ARHGAP42: variants seen among roughly 807,000 people sequenced by gnomAD.
ARHGAP42 encodes the protein Rho GTPase activating protein 42, also known as rho GTPase-activating protein 42.
Under a neutral mutation model 125.0 loss-of-function variants are expected in ARHGAP42, and 63 were observed. That is an observed-to-expected ratio of 0.50 (90% CI 0.41 to 0.62). The LOEUF is 0.62. Among genes scored for constraint, ARHGAP42 ranks in the 20% least tolerant of loss-of-function variants. ARHGAP42 has a pLI of 0.00. For missense variants in ARHGAP42, 766 were observed against 1,024.2 expected (o/e 0.75, Z 3.44); for synonymous variants, 339 against 351.0 (o/e 0.97, Z 0.38).
intron 1 of ARHGAP42, among the ~76,000 whole-genome samples, chr11:100,746,758 A>G (rs1320866465): frequency 6.6e-6 from 1 of 152,248 alleles, no homozygotes; most frequent in Non-Finnish European, 1.5e-5. Flanking sequence ...CCTAAACCAT[A>G]GAAGCGCTCT....
chr11:100,688,083 A>C, intron 1 of ARHGAP42: 1 of 303,646 alleles, frequency 3.3e-6, no homozygotes, highest in Non-Finnish European at 6.0e-6. Context: ...AGTCGTTCAA[A>C]GTCATCTCGT....
chr11:100,897,695 C>G (rs1375073449), intron 4 of ARHGAP42, among the ~76,000 whole-genome samples: 2 of 152,098 alleles, frequency 1.3e-5, no homozygotes, highest in Non-Finnish European at 2.9e-5. Flanking sequence ...GATTATGTAT[C>G]CTGAGACTTT....
intron 12 of ARHGAP42, among the ~76,000 whole-genome samples, chr11:100,958,663 G>A (rs923027736): frequency 6.6e-6 from 1 of 151,380 alleles, no homozygotes; most frequent in Non-Finnish European, 1.5e-5. Flanking sequence ...TATATTTGTG[G>A]AGTTTTTTCT....
intron 11 of ARHGAP42, among the ~76,000 whole-genome samples, chr11:100,949,062 C>T (rs534729220): frequency 6.6e-5 from 10 of 152,106 alleles, no homozygotes; most frequent in Admixed American, 2.6e-4. Flanking sequence ...GGAAGGCTTA[C>T]GTAAAAAGGA....
At chr11:100,933,824 G>A (rs563381499) in intron 7 of ARHGAP42, among the ~76,000 whole-genome samples, 11 of 151,858 alleles carry the variant, frequency 7.2e-5, no homozygotes, top group Non-Finnish European at 1.3e-4. Flanking sequence ...AGCTTCGCTC[G>A]TCACCCAGGC....
intron 3 of ARHGAP42, among the ~76,000 whole-genome samples, chr11:100,826,593 A>G (rs1265065423): frequency 1.3e-5 from 2 of 152,288 alleles, no homozygotes; most frequent in African/African-American, 2.4e-5. Flanking sequence ...CCAGCTCCTG[A>G]GTATCAATGT....
chr11:100,839,371 A>G (rs981353070), intron 3 of ARHGAP42: 1 of 152,232 alleles, frequency 6.6e-6, no homozygotes, highest in East Asian at 1.9e-4. Flanking sequence ...GTGAATGGCT[A>G]TCACCATGGT....
chr11:100,814,384 G>T (rs1322681065), intron 3 of ARHGAP42, among the ~76,000 whole-genome samples: 1 of 148,746 alleles, frequency 6.7e-6, no homozygotes, highest in Non-Finnish European at 1.5e-5. Flanking sequence ...AAAAAGAAAA[G>T]AAAAGAAAAT....
At position 100,962,852 on chromosome 11, in the gene ARHGAP42, G is replaced by A. The variant is rs147784067; in HGVS notation, c.1444+385G>A. Among the ~76,000 whole-genome samples, 13 of 151,988 alleles carry A rather than the reference G, an allele frequency of 8.6e-5. No individual in the cohort carries two copies. In the East Asian group the frequency reaches 2.5e-3, roughly 29 times the overall value. On this transcript the variant is annotated intron_variant, in intron 16 of 23. Coordinates refer to ENST00000298815, the MANE Select transcript of ARHGAP42 (RefSeq NM_152432.4). ...GATCGCGCCATTGCACTCCAGCCTGGGCAACAAGAGCGAAACTCCATCTCA... is the reference window on the plus strand; with the variant it reads ...GATCGCGCCATTGCACTCCAGCCTGAGCAACAAGAGCGAAACTCCATCTCA...
intron 1 of ARHGAP42, among the ~76,000 whole-genome samples, chr11:100,694,506 C>G (rs1861242322): frequency 6.6e-6 from 1 of 152,204 alleles, no homozygotes; most frequent in Admixed American, 6.5e-5. Flanking sequence ...GCCATCCCTG[C>G]TGTATGAATG....
At chr11:100,876,917 G>A (rs868556806) in intron 4 of ARHGAP42, among the ~76,000 whole-genome samples, 1 of 152,114 alleles carries the variant, frequency 6.6e-6, no homozygotes, top group African/African-American at 2.4e-5. Context: ...TGCAACCCAC[G>A]TTTGCATCAA....
At chr11:100,940,390 A>G (rs1867845514) in intron 8 of ARHGAP42, among the ~76,000 whole-genome samples, 1 of 152,140 alleles carries the variant, frequency 6.6e-6, no homozygotes, top group Non-Finnish European at 1.5e-5. Flanking sequence ...TCATATGTAG[A>G]AAACAAGCTC....
chr11:100,758,971 G>A (rs75912782), intron 1 of ARHGAP42, among the ~76,000 whole-genome samples: 8,437 of 152,068 alleles, frequency 0.055, 443 homozygotes, highest in East Asian at 0.26. Flanking sequence ...TTTCTTTAAT[G>A]ATTTATATTT....
chr11:100,703,760 G>A (rs1484535493), intron 1 of ARHGAP42, among the ~76,000 whole-genome samples: 4 of 152,132 alleles, frequency 2.6e-5, no homozygotes, highest in African/African-American at 9.7e-5. Context: ...CAGGTCAGTG[G>A]TGTATACAAA....
chr11:100,691,824 C>T (rs2120168461), intron 1 of ARHGAP42, among the ~76,000 whole-genome samples: 1 of 152,172 alleles, frequency 6.6e-6, no homozygotes, highest in Non-Finnish European at 1.5e-5. Context: ...ATATCCAGTG[C>T]CACAAGATTT....
intron 2 of ARHGAP42, among the ~76,000 whole-genome samples, chr11:100,785,467 A>G (rs1039196727): frequency 6.6e-6 from 1 of 152,194 alleles, no homozygotes; most frequent in African/African-American, 2.4e-5. Flanking sequence ...GATAGCTTGA[A>G]CTTTTAGTGT....
intron 16 of ARHGAP42, among the ~76,000 whole-genome samples, chr11:100,963,303 A>T (rs932267646): frequency 6.6e-6 from 1 of 152,198 alleles, no homozygotes; most frequent in Non-Finnish European, 1.5e-5. Context: ...GATCAATTTA[A>T]AATATTAGCA....
chr11:100,810,656 T>C (rs530118989), intron 3 of ARHGAP42, among the ~76,000 whole-genome samples: 3 of 152,344 alleles, frequency 2.0e-5, no homozygotes, highest in African/African-American at 7.2e-5. Context: ...TCCCCTCCCA[T>C]CTGAGACTTT....
chr11:100,801,992 A>G (rs557479289), intron 3 of ARHGAP42, among the ~76,000 whole-genome samples: 1 of 152,358 alleles, frequency 6.6e-6, no homozygotes, highest in South Asian at 2.1e-4. Context: ...ATTTTTCCAC[A>G]TAAAATGCAG....
Sources: gnomAD v4.1 joint callset for allele counts (sites outside exome capture counted in the v4.1 genomes callset) on GRCh38, gnomAD v4.1.1 for gene constraint, MANE v1.5 for transcripts, NCBI Gene and HGNC (gene_info 2026-07-23, HGNC 2026-07-21) for gene names.